The following EDC3 variants were observed in gnomAD, a reference collection of about 807,000 sequenced individuals.
EDC3 encodes the protein enhancer of mRNA-decapping protein 3.
EDC3 carries 20 observed loss-of-function variants against 41.8 expected under a neutral mutation model. The observed-to-expected ratio is 0.48, with a 90% confidence interval of 0.34 to 0.70. EDC3 has a LOEUF of 0.70. Ranked by LOEUF, EDC3 falls within the 30% of genes least tolerant of loss-of-function variation. EDC3 has a pLI of 0.01. For synonymous variants in EDC3, 206 were observed against 243.2 expected (o/e 0.85, Z 1.42); for missense variants, 444 against 636.8 (o/e 0.70, Z 3.26).
chr15:74,673,988 A>G (rs562749597), intron 2 of EDC3, among the ~76,000 whole-genome samples: 38 of 152,350 alleles, frequency 2.5e-4, no homozygotes, highest in African/African-American at 8.9e-4. Context: ...GAACATAAAA[A>G]ACAACAAAAA....
chr15:74,656,599 T>C (rs548814322), intron 3 of EDC3, among the ~76,000 whole-genome samples: 1 of 152,344 alleles, frequency 6.6e-6, no homozygotes, highest in African/African-American at 2.4e-5. Flanking sequence ...AGTAAGAATA[T>C]AGCATGGTGG....
intron 3 of EDC3, among the ~76,000 whole-genome samples, chr15:74,660,433 A>ATGTG (rs1491159607): frequency 4.0e-4 from 19 of 47,158 alleles, no homozygotes; most frequent in Admixed American, 1.0e-3. Context: ...ATATATATAT[A>ATGTG]TGTGTGTGTG....
Position 74,671,469 on chromosome 15 carries a change from C to A in EDC3, c.470G>T (p.Arg157Leu). The change falls in exon 3 of 7, where the codon CGT (arginine) becomes CTT (leucine). Residue 157 changes from arginine (R) to leucine (L), a missense_variant. This residue lies in a region of EDC3 where 200 missense variants were observed against 244.0 expected (regional missense o/e 0.82). Coordinates refer to ENST00000315127, the MANE Select transcript of EDC3 (RefSeq NM_025083.5). The surrounding 1 kb of genome is among the most constrained non-coding windows in gnomAD (Gnocchi z 4.6). ...ESLSQSKSFR[R>L]RHNSWSSSSR... ...ACCCTACTTACAGGAGTTGTGCCGA[C>A]GACGGAAACTTTTGGACTGACTCAA... 6.2e-7 allele frequency: 1 copy of A among 1,609,244 alleles called. No individual in the cohort carries two copies. The highest frequency in any genetic ancestry group is 8.5e-7 in the Non-Finnish European group (1 of 1,175,864).
chr15:74,652,743 T>C (rs1287770296), intron 4 of EDC3, among the ~76,000 whole-genome samples: 3 of 152,034 alleles, frequency 2.0e-5, no homozygotes, highest in Non-Finnish European at 2.9e-5. Context: ...CGTGCCCAGC[T>C]AATGTTTTCT....
intron 1 of EDC3, among the ~76,000 whole-genome samples, chr15:74,681,801 T>C (rs1324515015): frequency 6.6e-6 from 1 of 152,130 alleles, no homozygotes; most frequent in Non-Finnish European, 1.5e-5. Flanking sequence ...CTAAAACTTT[T>C]AGAAAAAACA....
chr15:74,692,148 C>T (rs1367661677), intron 1 of EDC3, among the ~76,000 whole-genome samples: 1 of 152,146 alleles, frequency 6.6e-6, no homozygotes, highest in African/African-American at 2.4e-5. Context: ...TTTCTCACTA[C>T]AGTGAGAATT....
At chr15:74,636,912 AAAG>A (rs1375598773) in intron 5 of EDC3, 2 of 152,048 alleles carry the variant, frequency 1.3e-5, no homozygotes, top group Middle Eastern at 3.2e-3. Context: ...CCCCCAATCA[AAAG>A]AAGCAGAGCA....
At chr15:74,673,960 A>G (rs552263327) in intron 2 of EDC3, among the ~76,000 whole-genome samples, 2 of 152,176 alleles carry the variant, frequency 1.3e-5, no homozygotes, top group African/African-American at 2.4e-5. Flanking sequence ...CAATCTTAAC[A>G]GGTGAGTAGA....
chr15:74,661,400 C>G (rs923873768), intron 3 of EDC3, among the ~76,000 whole-genome samples: 3 of 152,192 alleles, frequency 2.0e-5, no homozygotes, highest in African/African-American at 7.2e-5. Flanking sequence ...ATCCAACCCA[C>G]TGCCTGTTTC....
At chr15:74,633,092 G>A (rs1318347950) in intron 6 of EDC3, 146 bp from the exon 7 acceptor site, 2 of 905,224 alleles carry the variant, frequency 2.2e-6, no homozygotes, top group East Asian at 5.3e-5. Context: ...CTTAAAGCTG[G>A]GCCAGGGCAC....
chr15:74,684,554 C>T (rs2062914385), intron 1 of EDC3, among the ~76,000 whole-genome samples: 1 of 149,702 alleles, frequency 6.7e-6, no homozygotes, highest in African/African-American at 2.5e-5. Context: ...CAAGGATGTC[C>T]ACTCTCACCA....
intron 1 of EDC3, among the ~76,000 whole-genome samples, chr15:74,694,365 G>A (rs932052526): frequency 6.6e-6 from 1 of 152,086 alleles, no homozygotes; most frequent in South Asian, 2.1e-4. Flanking sequence ...CTGGAGTGCA[G>A]TAGCATATCT....
chr15:74,693,270 A>T lies in EDC3; in HGVS notation c.-19+2610T>A, dbSNP rs148246870. ...CACACCACTGATTGGTGATTAAAAC[A>T]TCACATCTTTTTATTATAGAACTCC... On this transcript the variant is annotated intron_variant, in intron 1 of 6. Transcript: ENST00000315127. 1.3e-4 allele frequency among the ~76,000 whole-genome samples: 20 copies of T among 152,340 alleles called. No individual in the cohort carries two copies. In the East Asian group the frequency reaches 3.7e-3, roughly 28 times the overall value.
chr15:74,682,790 A>G (rs538310291), intron 1 of EDC3, among the ~76,000 whole-genome samples: 1 of 152,284 alleles, frequency 6.6e-6, no homozygotes, highest in East Asian at 1.9e-4. Context: ...TGGGAGGCTG[A>G]GGCAGGTGGA....
rs1396711169 is a variant in EDC3, at chr15:74,662,432, TA to T, written c.485-6365del. 4.2e-3 allele frequency among the ~76,000 whole-genome samples: 608 copies of T among 146,362 alleles called. 4 individuals are homozygous for T. Among genetic ancestry groups the T allele is most frequent in the African/African-American group, 0.015 (579 of 38,688 alleles). ...ATAAAAACAGCAATATATATATATA[TA>T]TATTTTTTTTTTAAAAAGCAAACAC... On this transcript the variant is annotated intron_variant, in intron 3 of 6. Coordinates refer to ENST00000315127, the MANE Select transcript of EDC3 (RefSeq NM_025083.5).
chr15:74,656,157 T>C, intron 3 of EDC3, 89 bp from the exon 4 acceptor site: 3 of 1,233,862 alleles, frequency 2.4e-6, no homozygotes. Flanking sequence ...TGGAGAGTGT[T>C]ACAGGAACCA....
chr15:74,649,060 ATTTTTTT>A (rs1184258510), intron 4 of EDC3, among the ~76,000 whole-genome samples: 2 of 115,954 alleles, frequency 1.7e-5, no homozygotes, highest in African/African-American at 3.5e-5. Context: ...ACCCTGGCTA[ATTTTTTT>A]TTTTTTTTTT....
chr15:74,681,624 G>A (rs1156941879), intron 1 of EDC3, among the ~76,000 whole-genome samples: 1 of 152,138 alleles, frequency 6.6e-6, no homozygotes, highest in Non-Finnish European at 1.5e-5. Flanking sequence ...ACTGATTTTT[G>A]ACAAAGTGCA....
chr15:74,659,392 G>A (rs145627006), intron 3 of EDC3, among the ~76,000 whole-genome samples: 1,826 of 151,644 alleles, frequency 0.012, 17 homozygotes, highest in Non-Finnish European at 0.017. Flanking sequence ...CCCAGGAAAC[G>A]GAGGTTACAG....
Sources: allele counts gnomAD v4.1 joint callset (sites outside exome capture counted in the v4.1 genomes callset), GRCh38; gene constraint gnomAD v4.1.1; regional missense constraint gnomAD v4.1.1; non-coding constraint Gnocchi (gnomAD v3.1); transcripts MANE v1.5; gene names NCBI Gene and HGNC (gene_info 2026-07-23, HGNC 2026-07-21).